KIAA0232: variants seen among roughly 807,000 people sequenced by gnomAD.
KIAA0232 encodes KIAA0232, also known as uncharacterized protein KIAA0232.
KIAA0232 carries 27 observed loss-of-function variants against 122.0 expected under a neutral mutation model. That is an observed-to-expected ratio of 0.22 (90% CI 0.16 to 0.31). The LOEUF is 0.31. Among genes scored for constraint, KIAA0232 ranks in the 10% least tolerant of loss-of-function variants. KIAA0232 has a pLI of 1.00. For missense variants in KIAA0232, 1,551 were observed against 1,634.2 expected, an observed-to-expected ratio of 0.95 and a Z score of 0.88; for synonymous variants, 613 against 587.6, an observed-to-expected ratio of 1.04 and a Z score of -0.63.
intron 1 of KIAA0232, among the ~76,000 whole-genome samples, chr4:6,800,108 A>C (rs1293983537): frequency 8.8e-6 from 1 of 113,618 alleles, no homozygotes; most frequent in Non-Finnish European, 1.7e-5. Context: ...CCCCGGTTAG[A>C]GTGCAGTGGC....
chr4:6,806,598 G>A (rs764955924), intron 2 of KIAA0232, among the ~76,000 whole-genome samples: 6 of 151,840 alleles, frequency 4.0e-5, no homozygotes, highest in South Asian at 4.2e-4. Context: ...GCCGGGTGTG[G>A]TGGTGGGCGT....
Position 6,882,534 on chromosome 4 carries a change from G to C in KIAA0232, c.*1568G>C, listed in dbSNP as rs1311845433. 6.6e-6 allele frequency: 1 copy of C among 152,118 alleles called. No homozygotes were observed. Among genetic ancestry groups the C allele is most frequent in the African/African-American group, 2.4e-5 (1 of 41,406 alleles). 9.4% of individuals were successfully genotyped at this position (152,118 alleles called of 1,614,324 possible). ...CATTGAGGGTCTGTGTGTCCTCACCGAGAGGGACCTGGTGTGCCCGCCGGG... is the reference window on the plus strand; with the variant it reads ...CATTGAGGGTCTGTGTGTCCTCACCCAGAGGGACCTGGTGTGCCCGCCGGG... On this transcript the variant is annotated 3_prime_UTR_variant, in exon 10 of 10. Coordinates refer to ENST00000307659, the MANE Select transcript of KIAA0232 (RefSeq NM_014743.3).
chr4:6,862,253 A>C lies in KIAA0232; in HGVS notation c.1871A>C (p.Asn624Thr). Residue 624 changes from asparagine (N) to threonine (T), a missense_variant, in exon 7 of 10, where the codon AAT (asparagine) becomes ACT (threonine). Physicochemically the swap from Asn to Thr is moderately conservative, Grantham distance 65 (BLOSUM62 0). Around this residue, in one of 5 missense-constraint regions of KIAA0232, gnomAD observed 1,108 missense variants for 1,154.8 expected, o/e 0.96. Transcript: ENST00000307659. ...LSPILDSTVL[N>T]SHLLAGNQEL... ...CCCATCTTAGACAGCACAGTGCTCA[A>C]TTCACACCTGCTTGCTGGCAATCAA... is the stretch of plus-strand genomic sequence containing the variant. 6.2e-7 allele frequency: 1 copy of C among 1,614,152 alleles called. No individual in the cohort carries two copies. Among genetic ancestry groups the C allele is most frequent in the Non-Finnish European group, 8.5e-7 (1 of 1,180,032 alleles).
chr4:6,808,342 A>AT (rs1417179027), intron 2 of KIAA0232, among the ~76,000 whole-genome samples: 2 of 151,384 alleles, frequency 1.3e-5, no homozygotes, highest in African/African-American at 4.9e-5. Context: ...AAATTGAATA[A>AT]TTATGAAAAG....
chr4:6,836,229 G>C (rs911288672), intron 3 of KIAA0232, among the ~76,000 whole-genome samples: 1 of 151,934 alleles, frequency 6.6e-6, no homozygotes, highest in East Asian at 1.9e-4. Flanking sequence ...GTGATGATGA[G>C]CATTTTTTCA....
intron 2 of KIAA0232, among the ~76,000 whole-genome samples, chr4:6,806,905 G>T (rs921183624): frequency 6.6e-6 from 1 of 151,786 alleles, no homozygotes; most frequent in Non-Finnish European, 1.5e-5. Flanking sequence ...TTACACACTA[G>T]ATCTAGCTCT....
intron 2 of KIAA0232, among the ~76,000 whole-genome samples, chr4:6,821,071 C>T (rs1401214567): frequency 6.6e-6 from 1 of 152,176 alleles, no homozygotes; most frequent in Admixed American, 6.5e-5. Flanking sequence ...CCTCTTAATA[C>T]CATCACAATG....
chr4:6,866,359 G>C (rs528282332), intron 7 of KIAA0232: 1 of 265,044 alleles, frequency 3.8e-6, no homozygotes, highest in African/African-American at 2.3e-5. Flanking sequence ...GGGATTGTCT[G>C]ATAGTTTAGA....
chr4:6,821,342 C>T (rs2109020432), intron 2 of KIAA0232, among the ~76,000 whole-genome samples: 1 of 152,134 alleles, frequency 6.6e-6, no homozygotes, highest in South Asian at 2.1e-4. Flanking sequence ...ACACTCTACC[C>T]AGTTTGTAGT....
Position 6,861,072 on chromosome 4 carries a change from A to G in KIAA0232, c.690A>G (p.Glu230=), listed in dbSNP as rs1204430411. Residue 230 remains glutamate (E), a synonymous_variant, in exon 7 of 10, where the codon GAA becomes GAG. Transcript: ENST00000307659. The part of the protein sequence containing the change: ...SSPKDCNSES[E]VTKERSSEVP... The stretch of plus-strand genomic sequence containing the variant: ...CTAAGGACTGCAACAGTGAAAGTGA[A>G]GTCACCAAGGAAAGAAGCAGTGAAG... 1.2e-6 allele frequency: 2 copies of G among 1,614,112 alleles called. No homozygotes were observed. Among genetic ancestry groups the G allele is most frequent in the Non-Finnish European group, 1.7e-6 (2 of 1,180,046 alleles).
At chr4:6,851,722 TA>T (rs74937263) in intron 4 of KIAA0232, among the ~76,000 whole-genome samples, 3,035 of 97,218 alleles carry the variant, frequency 0.031, 82 homozygotes, top group African/African-American at 0.11. Context: ...TCTCAAAAAT[TA>T]AAAAAAAAAA....
rs1244161317 is a variant in KIAA0232 at position 6,845,393 on chromosome 4, C to CGAGA, written c.369+3189_369+3190insGAGA. ...TTAAAAAATACAGGGACAGGGTCTC[C>CGAGA]CTGTGTTGCCCAGGCTGGTTTTGAA... On this transcript the variant is annotated intron_variant, in intron 4 of 9. Transcript: ENST00000307659. Among the ~76,000 whole-genome samples the CGAGA allele has an allele frequency of 8.5e-5, 13 of 152,048 alleles. No individual in the cohort carries two copies. The East Asian group carries it at 2.3e-3, about 27-fold the overall frequency.
intron 6 of KIAA0232, among the ~76,000 whole-genome samples, chr4:6,860,244 G>C (rs974363007): frequency 5.3e-5 from 8 of 152,136 alleles, no homozygotes; most frequent in Non-Finnish European, 8.8e-5. Context: ...TCACAACCCT[G>C]AGAGGTAAAT....
rs1288925603 is a variant in KIAA0232, at chr4:6,855,179, G to T, written c.370-1985G>T. The stretch of plus-strand genomic sequence containing the variant: ...AGCTCACTGCAACCTCCACCTCCTG[G>T]GTTCAAGCAGTTCTCCTGCCTCAGC... On this transcript the variant is annotated intron_variant, in intron 4 of 9. Transcript: ENST00000307659. This position sits in a 1 kb window ranked among gnomAD's most constrained non-coding sequence, Gnocchi z 4.3. Among the ~76,000 whole-genome samples, 1 of 152,060 alleles carries T rather than the reference G, an allele frequency of 6.6e-6. No homozygotes were observed. Among genetic ancestry groups the T allele is most frequent in the East Asian group, 1.9e-4 (1 of 5,184 alleles).
intron 2 of KIAA0232, among the ~76,000 whole-genome samples, chr4:6,823,114 T>C (rs1323738477): frequency 6.6e-6 from 1 of 151,932 alleles, no homozygotes; most frequent in Non-Finnish European, 1.5e-5. Flanking sequence ...GAACTCATCA[T>C]TTTTTATGGC....
At chr4:6,825,790 G>C (rs1380290982) in intron 3 of KIAA0232, among the ~76,000 whole-genome samples, 1 of 152,140 alleles carries the variant, frequency 6.6e-6, no homozygotes. Flanking sequence ...GTAAAAAGAA[G>C]GAGGTATTTT....
At chr4:6,854,271 G>A (rs1222308063) in intron 4 of KIAA0232, among the ~76,000 whole-genome samples, 1 of 151,626 alleles carries the variant, frequency 6.6e-6, no homozygotes, top group African/African-American at 2.4e-5. Flanking sequence ...AATCTTGGGA[G>A]GGAAGTGGTG....
chr4:6,852,556 C>T (rs545624181), intron 4 of KIAA0232, among the ~76,000 whole-genome samples: 2 of 152,106 alleles, frequency 1.3e-5, no homozygotes, highest in South Asian at 2.1e-4. Context: ...AGACTAAGAT[C>T]TGAAAAACTG....
At chr4:6,839,170 T>C (rs1235702623) in intron 3 of KIAA0232, among the ~76,000 whole-genome samples, 4 of 152,218 alleles carry the variant, frequency 2.6e-5, no homozygotes, top group Non-Finnish European at 5.9e-5. Context: ...TTCAAGCTTC[T>C]AGGAATGACA....
Sources: gnomAD v4.1 joint callset for allele counts (sites outside exome capture counted in the v4.1 genomes callset) on GRCh38, gnomAD v4.1.1 for gene constraint, gnomAD v4.1.1 regional missense constraint, Gnocchi (gnomAD v3.1) non-coding constraint, MANE v1.5 for transcripts, NCBI Gene and HGNC (gene_info 2026-07-23, HGNC 2026-07-21) for gene names.